EPHA3: variants seen among roughly 807,000 people sequenced by gnomAD.
EPHA3 encodes the protein EPH receptor A3.
Under a neutral mutation model 107.1 loss-of-function variants are expected in EPHA3, and 42 were observed. That is an observed-to-expected ratio of 0.39 (90% CI 0.31 to 0.51). The LOEUF is 0.51. Ranked by LOEUF, EPHA3 falls within the 20% of genes least tolerant of loss-of-function variation. EPHA3 has a pLI of 0.78. For missense variants in EPHA3, 1,183 were observed against 1,211.2 expected, an observed-to-expected ratio of 0.98 and a Z score of 0.35; for synonymous variants, 461 against 424.8, an observed-to-expected ratio of 1.09 and a Z score of -1.05.
At chr3:89,388,823 T>C (rs1433368396) in intron 5 of EPHA3, among the ~76,000 whole-genome samples, 1 of 152,200 alleles carries the variant, frequency 6.6e-6, no homozygotes, top group African/African-American at 2.4e-5. Flanking sequence ...ATTATTTGCT[T>C]AACATTTTAG....
chr3:89,284,680 A>G (rs1474924659), intron 3 of EPHA3, among the ~76,000 whole-genome samples: 2 of 152,176 alleles, frequency 1.3e-5, no homozygotes, highest in Admixed American at 6.5e-5. Flanking sequence ...TTTCTTTTGC[A>G]TCTAAAGTGA....
chr3:89,197,090 A>C (rs1705853349), intron 2 of EPHA3, among the ~76,000 whole-genome samples: 1 of 152,092 alleles, frequency 6.6e-6, no homozygotes, highest in African/African-American at 2.4e-5. Flanking sequence ...CCTTTACTAA[A>C]TTTCCATTTA....
chr3:89,271,142 A>T (rs943450809), intron 3 of EPHA3, among the ~76,000 whole-genome samples: 1 of 152,082 alleles, frequency 6.6e-6, no homozygotes, highest in Non-Finnish European at 1.5e-5. Context: ...CATTGAGACA[A>T]AACATCTGTG....
intron 9 of EPHA3, among the ~76,000 whole-genome samples, 163 bp downstream of exon 9, chr3:89,408,294 G>C (rs1344791681): frequency 6.6e-6 from 1 of 152,070 alleles, no homozygotes; most frequent in Non-Finnish European, 1.5e-5. Flanking sequence ...GAAATTCATG[G>C]TTCTGCATTA....
rs528924485 is a variant in EPHA3, at chr3:89,150,641, T to C, written c.153+23368T>C. Among the ~76,000 whole-genome samples, 5 of 152,104 alleles carry C rather than the reference T, an allele frequency of 3.3e-5. No homozygotes were observed. The South Asian group carries it at 8.3e-4, about 25-fold the overall frequency. Reference sequence around the variant, plus strand: ...ATGTTGAAAATGGATCCATATTCTATGTTACTGAAATGTTTACCAGATATC... The same window carrying C: ...ATGTTGAAAATGGATCCATATTCTACGTTACTGAAATGTTTACCAGATATC... On this transcript the variant is annotated intron_variant, in intron 2 of 16. Transcript: ENST00000336596.
chr3:89,253,263 C>G (rs1260296606), intron 3 of EPHA3, among the ~76,000 whole-genome samples: 3 of 152,054 alleles, frequency 2.0e-5, no homozygotes, highest in Non-Finnish European at 2.9e-5. Flanking sequence ...TAAAATCCCT[C>G]AAGTGCATGA....
Position 89,382,508 on chromosome 3 carries a change from C to CAAAAAA in EPHA3, c.1307-13317_1307-13312dup, listed in dbSNP as rs575357952. Among the ~76,000 whole-genome samples, 154 of 79,770 alleles carry CAAAAAA rather than the reference C, an allele frequency of 1.9e-3. 1 individual carries two copies. Among genetic ancestry groups the CAAAAAA allele is most frequent in the African/African-American group, 6.7e-3 (140 of 20,864 alleles). The allele number at this position is 79,770 out of a possible 152,430, so 52.3% of individuals were successfully genotyped here. ...GGGCAACAGAGCAAAAATTCCATCT[C>CAAAAAA]AAAAAAAAAAAAAAAAAGAGAATAT... On this transcript the variant is annotated intron_variant, in intron 5 of 16. Transcript: ENST00000336596.
At chr3:89,151,161 T>A (rs1384246636) in intron 2 of EPHA3, among the ~76,000 whole-genome samples, 1 of 152,054 alleles carries the variant, frequency 6.6e-6, no homozygotes, top group African/African-American at 2.4e-5. Flanking sequence ...TATCTAATTA[T>A]CATACCTAAA....
chr3:89,341,388 A>G (rs997764209), intron 4 of EPHA3, among the ~76,000 whole-genome samples: 1 of 152,164 alleles, frequency 6.6e-6, no homozygotes, highest in East Asian at 1.9e-4. Context: ...ATGTTTTTAC[A>G]TTTCTATTCC....
At chr3:89,341,190 T>C (rs1452135938) in intron 4 of EPHA3, 119 bp downstream of exon 4, 1 of 1,066,230 alleles carries the variant, frequency 9.4e-7, no homozygotes, top group Non-Finnish European at 1.3e-6. Context: ...CGTGTGCAAA[T>C]TGAAAGCTTT....
intron 3 of EPHA3, among the ~76,000 whole-genome samples, chr3:89,291,544 T>C (rs1311048357): frequency 1.3e-5 from 2 of 152,050 alleles, no homozygotes; most frequent in Admixed American, 1.3e-4. Flanking sequence ...TCCATAATCA[T>C]AAAAAGATGA....
At chr3:89,154,715 GT>G (rs1320228210) in intron 2 of EPHA3, among the ~76,000 whole-genome samples, 3 of 151,044 alleles carry the variant, frequency 2.0e-5, no homozygotes, top group Non-Finnish European at 4.4e-5. Context: ...GTAACACAAA[GT>G]TTTCAGATTC....
intron 15 of EPHA3, among the ~76,000 whole-genome samples, chr3:89,453,993 G>A (rs1282244166): frequency 6.6e-6 from 1 of 151,768 alleles, no homozygotes; most frequent in East Asian, 1.9e-4. Context: ...TTTTTCTGTA[G>A]GATCATTGCC....
chr3:89,333,280 T>C (rs1707327951), intron 3 of EPHA3, among the ~76,000 whole-genome samples: 1 of 152,166 alleles, frequency 6.6e-6, no homozygotes, highest in African/African-American at 2.4e-5. Context: ...TAGTTCCTGT[T>C]TTATTGTTTC....
At chr3:89,456,709 A>T (rs563822352) in intron 15 of EPHA3, among the ~76,000 whole-genome samples, 1 of 152,350 alleles carries the variant, frequency 6.6e-6, no homozygotes, top group African/African-American at 2.4e-5. Context: ...GCAAAGAATC[A>T]TAATAAGGGA....
At chr3:89,351,925 CA>C (rs71621543) in intron 5 of EPHA3, among the ~76,000 whole-genome samples, 1,418 of 83,994 alleles carry the variant, frequency 0.017, 30 homozygotes, top group East Asian at 0.034. Flanking sequence ...AAGGCAGATG[CA>C]AAAAAAAAAA....
chr3:89,457,039 G>A (rs1410907746), intron 15 of EPHA3, among the ~76,000 whole-genome samples: 1 of 152,150 alleles, frequency 6.6e-6, no homozygotes, highest in Non-Finnish European at 1.5e-5. Context: ...CGGGAATCCC[G>A]AGGGGAGGTG....
chr3:89,348,611 T>G (rs1448803210), intron 5 of EPHA3, among the ~76,000 whole-genome samples: 37 of 138,394 alleles, frequency 2.7e-4, no homozygotes, highest in Admixed American at 5.0e-4. Context: ...GTGTCTCTAT[T>G]TCCTTCAGTT....
At chr3:89,280,564 C>T (rs536368247) in intron 3 of EPHA3, among the ~76,000 whole-genome samples, 5 of 152,186 alleles carry the variant, frequency 3.3e-5, no homozygotes, top group South Asian at 2.1e-4. Flanking sequence ...CAGAGAGTCA[C>T]GTGTGGTATA....
Sources: gnomAD v4.1 joint callset for allele counts (sites outside exome capture counted in the v4.1 genomes callset) on GRCh38, gnomAD v4.1.1 for gene constraint, MANE v1.5 for transcripts, NCBI Gene and HGNC (gene_info 2026-07-23, HGNC 2026-07-21) for gene names.